ASTE1: variants seen among roughly 807,000 people sequenced by gnomAD.
The protein encoded by ASTE1 is asteroid structure-specific endonuclease 1, also known as single-strand DNA endonuclease ASTE1.
Under a neutral mutation model 45.8 loss-of-function variants are expected in ASTE1, and 49 were observed. The ratio of observed to expected loss-of-function variants is 1.07; its 90% confidence interval spans 0.85 to 1.36. The LOEUF is 1.36. ASTE1 is among the 40% of genes most tolerant of loss of function. The pLI is 0.00. For synonymous variants in ASTE1, 296 were observed against 303.9 expected (o/e 0.97, Z 0.27); for missense variants, 709 against 804.0 (o/e 0.88, Z 1.43).
intron 3 of ASTE1, among the ~76,000 whole-genome samples, chr3:131,020,427 C>T (rs961988053): frequency 3.3e-5 from 5 of 152,198 alleles, no homozygotes; most frequent in Non-Finnish European, 5.9e-5. Context: ...GTCTTGGCTG[C>T]CTTACTCCTT....
chr3:131,018,191 C>T (rs1188158505), intron 4 of ASTE1, among the ~76,000 whole-genome samples: 1 of 152,074 alleles, frequency 6.6e-6, no homozygotes, highest in Non-Finnish European at 1.5e-5. Context: ...ATACAAAATG[C>T]AGCTGGCAAA....
In ASTE1 at chr3:131,024,668, A is replaced by ATT. The variant is rs2063786475; in HGVS notation, c.638_639insAA (p.Leu214IlefsTer24). The ATT allele has an allele frequency of 6.3e-7, 1 of 1,592,554 alleles. No individual in the cohort carries two copies. The highest frequency in any genetic ancestry group is 8.5e-7 in the Non-Finnish European group (1 of 1,169,644). The stretch of plus-strand genomic sequence containing the variant: ...ATAGCACCGCAAAGAGAGGTAGTAG[A>ATT]GCTTTATTCATATTGCTGAAGTGAT... On this transcript the variant is annotated frameshift_variant, in exon 3 of 6. Transcript: ENST00000264992. LOFTEE classifies it high-confidence loss of function.
In ASTE1 at chr3:131,024,479, A is replaced by G; in HGVS notation, c.828T>C (p.Val276=). The change falls in exon 3 of 6, where the codon GTT becomes GTC. Residue 276 remains valine, a synonymous_variant. Transcript: ENST00000264992. Reference sequence around the variant, plus strand: ...GATCCTTTTTTGGGAGGTATTTCAGAACATTATCTAGTGCTTCGGTAGGGT... The same window carrying G: ...GATCCTTTTTTGGGAGGTATTTCAGGACATTATCTAGTGCTTCGGTAGGGT... ...FANPTEALDN[V]LKYLPKKDRE... 1 of 1,614,152 alleles carries G rather than the reference A, an allele frequency of 6.2e-7. No individual in the cohort carries two copies. Among genetic ancestry groups the G allele is most frequent in the Non-Finnish European group, 8.5e-7 (1 of 1,180,024 alleles).
chr3:131,024,473 T>C lies in ASTE1; in HGVS notation c.834A>G (p.Lys278=), dbSNP rs1368372415. 6.2e-7 allele frequency: 1 copy of C among 1,614,150 alleles called. No homozygotes were observed. The highest frequency in any genetic ancestry group is 8.5e-7 in the Non-Finnish European group (1 of 1,180,018). ...TTTCTCGATCCTTTTTTGGGAGGTA[T>C]TTCAGAACATTATCTAGTGCTTCGG... is the stretch of plus-strand genomic sequence containing the variant. The part of the protein sequence containing the change: ...NPTEALDNVL[K]YLPKKDRENV... Residue 278 remains lysine, a synonymous_variant, in exon 3 of 6, where the codon AAA becomes AAG. Transcript: ENST00000264992.
At chr3:131,023,610 T>A (rs115463671) in intron 3 of ASTE1, among the ~76,000 whole-genome samples, 55 of 152,352 alleles carry the variant, frequency 3.6e-4, no homozygotes, top group African/African-American at 1.3e-3. Flanking sequence ...GTCTGAGATG[T>A]TGTGCCTATG....
At chr3:131,023,773 T>A (rs377239901) in intron 3 of ASTE1, among the ~76,000 whole-genome samples, 1 of 152,090 alleles carries the variant, frequency 6.6e-6, no homozygotes, top group South Asian at 2.1e-4. Context: ...TGAAGTACAG[T>A]GGAAATGGTA....
rs1390297504 is a variant in ASTE1 at position 131,025,208 on chromosome 3, A to G, written c.99T>C (p.Tyr33=). 3.1e-6 allele frequency: 5 copies of G among 1,614,248 alleles called. No homozygotes were observed. The highest frequency in any genetic ancestry group is 2.5e-6 in the Non-Finnish European group (3 of 1,180,042). ...TGAAGCAAAGACGGTGGAAAAGAGC[A>G]TAACCATCAATGACAATTTTTGTGT... ...LRDTKIVIDG[Y]ALFHRLCFSS... Residue 33 remains tyrosine, a synonymous_variant, in exon 3 of 6, where the codon TAT becomes TAC. Coordinates refer to ENST00000264992, the MANE Select transcript of ASTE1 (RefSeq NM_014065.4).
At chr3:131,023,593 C>T (rs1029450913) in intron 3 of ASTE1, among the ~76,000 whole-genome samples, 4 of 152,010 alleles carry the variant, frequency 2.6e-5, no homozygotes, top group African/African-American at 4.8e-5. Context: ...ATCTGAAATC[C>T]GATGTAGTCT....
intron 3 of ASTE1, among the ~76,000 whole-genome samples, chr3:131,019,727 T>C (rs572369538): frequency 4.7e-4 from 71 of 152,342 alleles, no homozygotes; most frequent in African/African-American, 1.7e-3. Flanking sequence ...GCATGTAACA[T>C]CTAGTTAGTA....
rs1411961169 is a variant in ASTE1 at position 131,013,985 on chromosome 3, T to C, written c.*72A>G. The C allele has an allele frequency of 6.7e-5, 76 of 1,138,444 alleles. No individual in the cohort carries two copies. Among genetic ancestry groups the C allele is most frequent in the Non-Finnish European group, 9.4e-5 (76 of 807,340 alleles). The allele number at this position is 1,138,444 out of a possible 1,614,324, so 70.5% of individuals were successfully genotyped here. Reference sequence around the variant, plus strand: ...CAGTCCTAAAGAAAAAGCTAATTGTTTCAAGGGTGGTAACGGAAGAATTTT... The same window carrying C: ...CAGTCCTAAAGAAAAAGCTAATTGTCTCAAGGGTGGTAACGGAAGAATTTT... On this transcript the variant is annotated 3_prime_UTR_variant, in exon 6 of 6. Coordinates refer to ENST00000264992, the MANE Select transcript of ASTE1 (RefSeq NM_014065.4).
chr3:131,018,426 CTTT>C, intron 4 of ASTE1, 77 bp downstream of exon 4: 3 of 1,390,076 alleles, frequency 2.2e-6, no homozygotes, highest in South Asian at 2.4e-5. Flanking sequence ...TCCAAGAATA[CTTT>C]TTTGTTTGTG....
In ASTE1 at chr3:131,023,562, C is replaced by T. The variant is rs568868923; in HGVS notation, c.1302+443G>A. ...ATTAATAAAAGTTAAAAAATTAGAC[C>T]TTAGCATCAGTACTAACCTTATCTG... On this transcript the variant is annotated intron_variant, in intron 3 of 5. Transcript: ENST00000264992. 7.9e-5 allele frequency among the ~76,000 whole-genome samples: 12 copies of T among 152,170 alleles called. No individual in the cohort carries two copies. In the South Asian group the frequency reaches 2.5e-3, roughly 32 times the overall value.
At chr3:131,015,112 T>C (rs766432405) in intron 5 of ASTE1, 7 of 613,058 alleles carry the variant, frequency 1.1e-5, no homozygotes, top group African/African-American at 1.9e-5. Context: ...ATTAGTCTTA[T>C]TTGTGTTAGC....
Position 131,013,882 on chromosome 3 carries a change from A to G in ASTE1, c.*175T>C. 1.9e-6 allele frequency: 1 copy of G among 529,216 alleles called. No homozygotes were observed. Among genetic ancestry groups the G allele is most frequent in the Non-Finnish European group, 3.3e-6 (1 of 305,346 alleles). 32.8% of individuals were successfully genotyped at this position (529,216 alleles called of 1,614,324 possible). ...ATTTAGAAATACAGAAGCTTCTTAA[A>G]TCAGGTTGTATTTATTAAAAACAAA... is the stretch of plus-strand genomic sequence containing the variant. On this transcript the variant is annotated 3_prime_UTR_variant, in exon 6 of 6. Transcript: ENST00000264992.
intron 3 of ASTE1, among the ~76,000 whole-genome samples, chr3:131,022,487 ATTT>A (rs773197171): frequency 7.1e-6 from 1 of 140,996 alleles, no homozygotes; most frequent in African/African-American, 2.6e-5. Flanking sequence ...CTGGCAAAAA[ATTT>A]TTTTTTTTTT....
At chr3:131,014,535 GTTC>G in intron 5 of ASTE1, 148 bp from the exon 6 acceptor site, 1 of 823,396 alleles carries the variant, frequency 1.2e-6, no homozygotes, top group Non-Finnish European at 1.8e-6. Flanking sequence ...AGAATAATCT[GTTC>G]TTTGAAGGAA....
At position 131,016,261 on chromosome 3, in the gene ASTE1, C is replaced by T. The variant is rs1337969144; in HGVS notation, c.1592G>A (p.Gly531Asp). The change falls in exon 5 of 6, where the codon GGC (glycine) becomes GAC (aspartate). Residue 531 changes from glycine to aspartate, a missense_variant. Transcript: ENST00000264992. ...FQRVKAQTRL[G>D]TRLDLDTAHI... ...AGCTGTGTCTAAGTCCAGTCTTGTG[C>T]CCAGCCGTGTCTGCGCCTTCACTCT... 1 of 1,614,088 alleles carries T rather than the reference C, an allele frequency of 6.2e-7. No individual in the cohort carries two copies. The highest frequency in any genetic ancestry group is 1.1e-5 in the South Asian group (1 of 91,080).
chr3:131,013,978 T>C lies in ASTE1; in HGVS notation c.*79A>G. On this transcript the variant is annotated 3_prime_UTR_variant, in exon 6 of 6. Coordinates refer to ENST00000264992, the MANE Select transcript of ASTE1 (RefSeq NM_014065.4). ...AACAGGTCAGTCCTAAAGAAAAAGC[T>C]AATTGTTTCAAGGGTGGTAACGGAA... 9.6e-7 allele frequency: 1 copy of C among 1,040,972 alleles called. No homozygotes were observed. The highest frequency in any genetic ancestry group is 1.6e-5 in the South Asian group (1 of 61,560). 64.5% of individuals were successfully genotyped at this position (1,040,972 alleles called of 1,614,324 possible).
intron 4 of ASTE1, among the ~76,000 whole-genome samples, chr3:131,017,393 G>A (rs956941984): frequency 6.6e-6 from 1 of 152,198 alleles, no homozygotes; most frequent in Non-Finnish European, 1.5e-5. Flanking sequence ...AATACAGTAG[G>A]CTAGCCTATA....
Sources: gnomAD v4.1 joint callset for allele counts (sites outside exome capture counted in the v4.1 genomes callset) on GRCh38, gnomAD v4.1.1 for gene constraint, MANE v1.5 for transcripts, NCBI Gene and HGNC (gene_info 2026-07-23, HGNC 2026-07-21) for gene names.